CNIH3: variants seen among roughly 807,000 people sequenced by gnomAD.
CNIH3 encodes protein cornichon homolog 3.
Under a neutral mutation model 24.1 loss-of-function variants are expected in CNIH3, and 14 were observed. The observed-to-expected ratio is 0.58, with a 90% CI of 0.38 to 0.91. The LOEUF (loss-of-function observed/expected upper bound fraction) is 0.91. CNIH3 is among the 40% of genes least tolerant of loss of function. The pLI, the probability that CNIH3 is intolerant of heterozygous loss-of-function variation, is 0.00. For missense variants in CNIH3, 178 were observed against 196.8 expected, an observed-to-expected ratio of 0.90 and a Z score of 0.57; for synonymous variants, 68 against 73.8, an observed-to-expected ratio of 0.92 and a Z score of 0.40.
intron 4 of CNIH3, 114 bp downstream of exon 4, chr1:224,730,688 T>C: frequency 1.5e-6 from 1 of 656,180 alleles, no homozygotes. Flanking sequence ...CATCCCTTCC[T>C]TTCTGGGTCT....
chr1:224,572,276 G>T (rs1432475324), intron 4 of CNIH3, among the ~76,000 whole-genome samples: 1 of 152,164 alleles, frequency 6.6e-6, no homozygotes, highest in East Asian at 1.9e-4. Context: ...AGCACTTTGG[G>T]AGGCTGAGGA....
intron 1 of CNIH3, among the ~76,000 whole-genome samples, chr1:224,445,560 A>T (rs1572253725): frequency 8.2e-6 from 1 of 122,198 alleles, no homozygotes. Flanking sequence ...TGGGTGACAG[A>T]GTGGGACTCT....
intron 1 of CNIH3, among the ~76,000 whole-genome samples, chr1:224,617,591 A>G (rs1339325134): frequency 4.6e-5 from 7 of 152,220 alleles, no homozygotes; most frequent in African/African-American, 1.4e-4. Context: ...GAGGCGAAGG[A>G]GAAGCGCCGC....
intron 1 of CNIH3, among the ~76,000 whole-genome samples, chr1:224,648,598 CTGTT>C (rs902630614): frequency 4.6e-5 from 7 of 152,062 alleles, no homozygotes; most frequent in African/African-American, 1.7e-4. Context: ...GCAAAGCACA[CTGTT>C]TGGGCTTGGG....
chr1:224,590,071 T>C (rs1681685818), downstream of CNIH3, among the ~76,000 whole-genome samples: 1 of 152,116 alleles, frequency 6.6e-6, no homozygotes, highest in Admixed American at 6.6e-5. Context: ...GATATGGGGT[T>C]TCACTATGTT....
chr1:224,625,431 C>T (rs947660361), intron 1 of CNIH3, among the ~76,000 whole-genome samples: 10 of 152,172 alleles, frequency 6.6e-5, no homozygotes, highest in South Asian at 4.1e-4. Flanking sequence ...TGGTGGGCGC[C>T]TATAGTCCCA....
chr1:224,468,572 G>A (rs1482049927), intron 1 of CNIH3, among the ~76,000 whole-genome samples: 1 of 152,154 alleles, frequency 6.6e-6, no homozygotes, highest in Non-Finnish European at 1.5e-5. Context: ...GATTTTCTGT[G>A]TAGATAATTG....
intron 1 of CNIH3, among the ~76,000 whole-genome samples, chr1:224,444,485 A>G (rs2102951295): frequency 6.6e-6 from 1 of 151,934 alleles, no homozygotes; most frequent in South Asian, 2.1e-4. Flanking sequence ...CAGCCTCCCA[A>G]GCAGCTGGCT....
chr1:224,616,156 C>T (rs936810141), upstream of CNIH3: 7 of 156,332 alleles, frequency 4.5e-5, no homozygotes, highest in Non-Finnish European at 7.1e-5. Context: ...GCAGTGGCGG[C>T]GGCAGCGGCC....
intron 3 of CNIH3, among the ~76,000 whole-genome samples, chr1:224,689,612 C>T (rs578116673): frequency 1.3e-5 from 2 of 152,266 alleles, no homozygotes; most frequent in South Asian, 4.1e-4. Context: ...GTCTAGTTAG[C>T]AGCACCACCT....
chr1:224,483,781 G>A (rs1572339133), intron 1 of CNIH3, among the ~76,000 whole-genome samples: 4 of 152,210 alleles, frequency 2.6e-5, no homozygotes, highest in South Asian at 2.1e-4. Context: ...ATCAGTAAAC[G>A]CTTCTATTCT....
At position 224,703,348 on chromosome 1, in the gene CNIH3, C is replaced by T. The variant is rs988756316; in HGVS notation, c.198+18505C>T. Among the ~76,000 whole-genome samples the T allele has an allele frequency of 1.3e-5, 2 of 152,100 alleles. No individual in the cohort carries two copies. The highest frequency in any genetic ancestry group is 2.9e-5 in the Non-Finnish European group (2 of 68,016). On this transcript the variant is annotated intron_variant, in intron 3 of 5. Transcript: ENST00000272133. The surrounding 1 kb of genome is among the most constrained non-coding windows in gnomAD (Gnocchi z 4.2). The stretch of plus-strand genomic sequence containing the variant: ...ATGAAGCCTGCTTAGCAGAGGGGCT[C>T]AAACTTTGCCGCACATTAGAATCAC...
upstream of CNIH3, among the ~76,000 whole-genome samples, chr1:224,513,389 AG>A (rs1678248532): frequency 6.7e-6 from 1 of 148,222 alleles, no homozygotes; most frequent in Non-Finnish European, 1.5e-5. Context: ...TATGTTGCTC[AG>A]GCTGGTCTCG....
intron 1 of CNIH3, among the ~76,000 whole-genome samples, chr1:224,438,456 C>G (rs780523713): frequency 1.1e-4 from 16 of 152,180 alleles, no homozygotes; most frequent in African/African-American, 3.1e-4. Flanking sequence ...CAACATTTCT[C>G]ACAAGTCTTT....
At chr1:224,592,712 G>T (rs906263644), downstream of CNIH3, among the ~76,000 whole-genome samples, 1 of 152,170 alleles carries the variant, frequency 6.6e-6, no homozygotes, top group African/African-American at 2.4e-5. Context: ...CAGAAATGGG[G>T]ATCTAGTTTT....
At chr1:224,538,693 C>T (rs1352709103), downstream of CNIH3, among the ~76,000 whole-genome samples, 1 of 149,908 alleles carries the variant, frequency 6.7e-6, no homozygotes, top group African/African-American at 2.5e-5. Context: ...CAGGGTCTTG[C>T]GTGTTGCCCA....
downstream of CNIH3, chr1:224,537,421 G>A (rs1308025330): frequency 1.3e-5 from 2 of 152,212 alleles, no homozygotes; most frequent in Non-Finnish European, 2.9e-5. Flanking sequence ...GTGAAAGGCT[G>A]ATAAAAGACT....
intron 1 of CNIH3, among the ~76,000 whole-genome samples, chr1:224,635,819 C>G (rs1684061131): frequency 6.6e-6 from 1 of 152,154 alleles, no homozygotes; most frequent in Non-Finnish European, 1.5e-5. Flanking sequence ...TCAAGCATTC[C>G]TCCTGCCTCA....
upstream of CNIH3, among the ~76,000 whole-genome samples, chr1:224,512,900 G>T (rs762685261): frequency 1.6e-4 from 25 of 152,132 alleles, no homozygotes; most frequent in Non-Finnish European, 1.8e-4. Context: ...AGCTGACCAG[G>T]GTTGGAGACC....
Sources: allele counts gnomAD v4.1 joint callset (sites outside exome capture counted in the v4.1 genomes callset), GRCh38; gene constraint gnomAD v4.1.1; non-coding constraint Gnocchi (gnomAD v3.1); transcripts MANE v1.5; gene names NCBI Gene and HGNC (gene_info 2026-07-23, HGNC 2026-07-21).